SMARCC1: variants seen among roughly 807,000 people sequenced by gnomAD.
SMARCC1 encodes the protein SWI/SNF complex subunit SMARCC1.
In SMARCC1, 43 loss-of-function variants were observed where a neutral mutation model predicts 147.4. That is an observed-to-expected ratio of 0.29 (90% CI 0.23 to 0.38). SMARCC1 has a LOEUF of 0.38. Ranked by LOEUF, SMARCC1 falls within the 10% of genes least tolerant of loss-of-function variation. The pLI is 1.00. For synonymous variants in SMARCC1, 495 were observed against 484.4 expected, an observed-to-expected ratio of 1.02 and a Z score of -0.29; for missense variants, 1,119 against 1,381.1, an observed-to-expected ratio of 0.81 and a Z score of 3.01.
intron 5 of SMARCC1, among the ~76,000 whole-genome samples, chr3:47,732,941 C>T (rs780357338): frequency 1.6e-4 from 24 of 151,700 alleles, no homozygotes; most frequent in Admixed American, 6.6e-4. Flanking sequence ...AACCCCGTCT[C>T]TACTAAAAAT....
At chr3:47,604,264 T>C (rs765143101) in intron 26 of SMARCC1, 4 of 456,662 alleles carry the variant, frequency 8.8e-6, no homozygotes, top group South Asian at 1.5e-5. Flanking sequence ...TGCATACTTA[T>C]ACAGAGGCCA....
In SMARCC1 at chr3:47,661,434, T is replaced by C; in HGVS notation, c.2180A>G (p.Glu727Gly). 6.2e-7 allele frequency: 1 copy of C among 1,605,544 alleles called. No individual in the cohort carries two copies. Among genetic ancestry groups the C allele is most frequent in the South Asian group, 1.1e-5 (1 of 89,402 alleles). The stretch of plus-strand genomic sequence containing the variant: ...TTCAACCAATTCCAGTGGTACCTCC[T>C]CCCGGACCCGAGAAAACTCCTCTGG... ...AALEEFSRVR[E>G]EVPLELVEAH... The change falls in exon 21 of 28, where the codon GAG (glutamate) becomes GGG (glycine). Residue 727 changes from glutamate to glycine, a missense_variant. This residue lies in a region of SMARCC1 where 178 missense variants were observed against 264.6 expected (regional missense o/e 0.67). Coordinates refer to ENST00000254480, the MANE Select transcript of SMARCC1 (RefSeq NM_003074.4).
intron 21 of SMARCC1, among the ~76,000 whole-genome samples, chr3:47,655,493 T>C (rs1576400596): frequency 6.6e-6 from 1 of 151,794 alleles, no homozygotes; most frequent in Admixed American, 6.6e-5. Context: ...GGTAAGGAGT[T>C]GGAGACCAGC....
At chr3:47,638,897 A>C in intron 21 of SMARCC1, 117 bp from the exon 22 acceptor site, 68 of 730,772 alleles carry the variant, frequency 9.3e-5, no homozygotes, top group Middle Eastern at 5.5e-4. Flanking sequence ...AACGAATATC[A>C]TAGCCATACA....
intron 21 of SMARCC1, 45 bp from the exon 22 acceptor site, chr3:47,638,825 G>T (rs1232469070): frequency 7.4e-7 from 1 of 1,351,574 alleles, no homozygotes; most frequent in Non-Finnish European, 1.1e-6. Flanking sequence ...GTGGAAAAAG[G>T]TAAAAGCTAT....
intron 11 of SMARCC1, among the ~76,000 whole-genome samples, chr3:47,697,123 C>A (rs1182259530): frequency 6.6e-6 from 1 of 152,072 alleles, no homozygotes; most frequent in Non-Finnish European, 1.5e-5. Flanking sequence ...GAGTTTGAGA[C>A]CAGCTTGGGC....
chr3:47,597,377 C>T (rs2032302815), intron 26 of SMARCC1, among the ~76,000 whole-genome samples: 1 of 152,086 alleles, frequency 6.6e-6, no homozygotes, highest in Admixed American at 6.6e-5. Flanking sequence ...GAGTCTCACT[C>T]TGTTGCCCAG....
At position 47,729,135 on chromosome 3, in the gene SMARCC1, T is replaced by C. The variant is rs551629759; in HGVS notation, c.577-41A>G. 24 of 1,328,356 alleles carry C rather than the reference T, an allele frequency of 1.8e-5. No individual in the cohort carries two copies. The Admixed American group carries it at 3.8e-4, about 21-fold the overall frequency. 82.3% of individuals were successfully genotyped at this position (1,328,356 alleles called of 1,614,324 possible). Reference sequence around the variant, plus strand: ...ACAAAAACCACAAAAATAAAGCACATGGCAATGAACTATGAGATTCCAGAT... The same window carrying C: ...ACAAAAACCACAAAAATAAAGCACACGGCAATGAACTATGAGATTCCAGAT... On this transcript the variant is annotated intron_variant, in intron 5 of 27. Coordinates refer to ENST00000254480, the MANE Select transcript of SMARCC1 (RefSeq NM_003074.4).
chr3:47,639,936 C>T (rs929042804), intron 21 of SMARCC1, among the ~76,000 whole-genome samples: 1 of 152,176 alleles, frequency 6.6e-6, no homozygotes, highest in Non-Finnish European at 1.5e-5. Flanking sequence ...TAATTTCAAG[C>T]TCACACAACA....
intron 26 of SMARCC1, among the ~76,000 whole-genome samples, chr3:47,609,806 T>C (rs925216572): frequency 6.6e-6 from 1 of 152,162 alleles, no homozygotes; most frequent in Non-Finnish European, 1.5e-5. Flanking sequence ...CCAAGATAAA[T>C]TCTGAATGAA....
chr3:47,663,819 G>A (rs913644394), intron 19 of SMARCC1: 26 of 1,582,978 alleles, frequency 1.6e-5, no homozygotes, highest in Middle Eastern at 1.7e-4. Flanking sequence ...TCCTTCCACC[G>A]GGGCAACAGC....
intron 7 of SMARCC1, among the ~76,000 whole-genome samples, chr3:47,717,376 T>C (rs570538590): frequency 6.6e-6 from 1 of 152,124 alleles, no homozygotes; most frequent in African/African-American, 2.4e-5. Context: ...AACCAACTGG[T>C]TTCTTAAAAC....
chr3:47,731,716 T>C (rs2034376242), intron 5 of SMARCC1, among the ~76,000 whole-genome samples: 1 of 152,248 alleles, frequency 6.6e-6, no homozygotes, highest in Admixed American at 6.5e-5. Context: ...CAATGAGCAG[T>C]AATATTTCAA....
chr3:47,625,478 G>A (rs2032795807), intron 24 of SMARCC1, among the ~76,000 whole-genome samples: 1 of 152,056 alleles, frequency 6.6e-6, no homozygotes, highest in South Asian at 2.1e-4. Flanking sequence ...CAAATGATCT[G>A]CCTGTCTTGG....
Position 47,662,491 on chromosome 3 carries a change from C to T in SMARCC1, c.2001G>A (p.Glu667=). The change falls in exon 20 of 28, where the codon GAG becomes GAA. Residue 667 remains glutamate, a synonymous_variant. Transcript: ENST00000254480. ...CATCTGAATTCTCAAGGTATGGGTCCTCAATGGGAAGTCTCAAAAAGTGGA... is the reference window on the plus strand; with the variant it reads ...CATCTGAATTCTCAAGGTATGGGTCTTCAATGGGAAGTCTCAAAAAGTGGA... ...CILHFLRLPI[E]DPYLENSDAS... is the part of the protein sequence containing the mutation. 1 of 1,614,140 alleles carries T rather than the reference C, an allele frequency of 6.2e-7. No individual in the cohort carries two copies. Among genetic ancestry groups the T allele is most frequent in the Non-Finnish European group, 8.5e-7 (1 of 1,179,990 alleles).
At chr3:47,638,638 C>T in intron 22 of SMARCC1, 87 bp downstream of exon 22, 1 of 905,326 alleles carries the variant, frequency 1.1e-6, no homozygotes, top group Non-Finnish European at 1.9e-6. Flanking sequence ...TTAGAGTCCC[C>T]TAAGAGGGAC....
Position 47,588,296 on chromosome 3 carries a change from T to C in SMARCC1, c.3231A>G (p.Pro1077=), listed in dbSNP as rs2108221482. 1.2e-6 allele frequency: 2 copies of C among 1,613,518 alleles called. No homozygotes were observed. The highest frequency in any genetic ancestry group is 1.3e-5 in the African/African-American group (1 of 74,904). The change falls in exon 28 of 28, where the codon CCA becomes CCG. Residue 1077 remains proline (P), a synonymous_variant. Coordinates refer to ENST00000254480, the MANE Select transcript of SMARCC1 (RefSeq NM_003074.4). ...GTGGTGGCGGTGGCTGCTGCTGTGG[T>C]GGAGGGGGATCTGCAAACATATCCA... The part of the protein sequence containing the change: ...LTAPNGMYPP[P]PQQQPPPPPP...
intron 3 of SMARCC1, among the ~76,000 whole-genome samples, chr3:47,743,907 T>TCAAG: frequency 6.6e-6 from 1 of 152,142 alleles, no homozygotes; most frequent in Admixed American, 6.6e-5. Context: ...CACTTTGGTA[T>TCAAG]TCTATCCTCA....
chr3:47,619,474 G>A (rs1559627027), intron 25 of SMARCC1, among the ~76,000 whole-genome samples: 2 of 152,222 alleles, frequency 1.3e-5, no homozygotes, highest in Admixed American at 6.5e-5. Context: ...CAGTAAATGT[G>A]AAGGCCATGC....
Sources: allele counts gnomAD v4.1 joint callset (sites outside exome capture counted in the v4.1 genomes callset), GRCh38; gene constraint gnomAD v4.1.1; regional missense constraint gnomAD v4.1.1; transcripts MANE v1.5; gene names NCBI Gene and HGNC (gene_info 2026-07-23, HGNC 2026-07-21).